Variants in SMYD3 observed in about 807,000 individuals in gnomAD.
SMYD3 encodes histone-lysine N-methyltransferase SMYD3.
In SMYD3, 36 loss-of-function variants were observed where a neutral mutation model predicts 57.7. That is an observed-to-expected ratio of 0.62 (90% CI 0.48 to 0.82). The LOEUF (loss-of-function observed/expected upper bound fraction) is 0.82. SMYD3 is among the 40% of genes least tolerant of loss of function. SMYD3 has a pLI of 0.00. For synonymous variants in SMYD3, 211 were observed against 195.0 expected, an observed-to-expected ratio of 1.08 and a Z score of -0.68; for missense variants, 515 against 538.8, an observed-to-expected ratio of 0.96 and a Z score of 0.44.
At chr1:246,337,896 T>C (rs1233838319) in intron 2 of SMYD3, among the ~76,000 whole-genome samples, 1 of 152,226 alleles carries the variant, frequency 6.6e-6, no homozygotes, top group Admixed American at 6.5e-5. Flanking sequence ...TGACAGCATT[T>C]GGAATTAAAC....
At chr1:246,113,070 T>C (rs1159858271) in intron 5 of SMYD3, among the ~76,000 whole-genome samples, 3 of 151,974 alleles carry the variant, frequency 2.0e-5, no homozygotes, top group African/African-American at 7.2e-5. Context: ...TAATCTCAGA[T>C]ACTCAGGAGG....
chr1:245,902,319 T>G (rs2054244081), intron 8 of SMYD3, among the ~76,000 whole-genome samples: 2 of 152,318 alleles, frequency 1.3e-5, no homozygotes, highest in African/African-American at 4.8e-5. Flanking sequence ...CTGGGGCCAC[T>G]GCCACCTACA....
chr1:245,903,836 G>C (rs1003205460), intron 8 of SMYD3, among the ~76,000 whole-genome samples: 2 of 152,188 alleles, frequency 1.3e-5, no homozygotes, highest in African/African-American at 4.8e-5. Context: ...GCACACTGCA[G>C]GGGGGCCCTG....
At chr1:246,387,010 ACT>A (rs906430167) in intron 1 of SMYD3, among the ~76,000 whole-genome samples, 4 of 152,236 alleles carry the variant, frequency 2.6e-5, no homozygotes, top group African/African-American at 9.6e-5. Context: ...ATGTTATATG[ACT>A]CTCATGAAAA....
In SMYD3 at chr1:245,822,056, CA is replaced by C. The variant is rs570012479; in HGVS notation, c.1076+36439del. Among the ~76,000 whole-genome samples the C allele has an allele frequency of 7.0e-3, 1,063 of 152,226 alleles. 27 individuals carry two copies. The highest frequency in any genetic ancestry group is 0.024 in the African/African-American group (1,012 of 41,534). ...GTCATGCCATTACTGGGTATATACC[CA>C]AAGGATTATAAATCATGCTGCTATA... On this transcript the variant is annotated intron_variant, in intron 10 of 11. Transcript: ENST00000490107.
chr1:246,432,829 G>T (rs749028870), intron 1 of SMYD3, among the ~76,000 whole-genome samples: 2 of 152,098 alleles, frequency 1.3e-5, no homozygotes, highest in African/African-American at 2.4e-5. Context: ...GAATTATCAT[G>T]ATCACTCCCT....
In SMYD3 at chr1:246,149,502, C is replaced by T. The variant is rs934385409; in HGVS notation, c.531+177699G>A. Among the ~76,000 whole-genome samples the T allele has an allele frequency of 2.6e-5, 4 of 151,860 alleles. No individual in the cohort carries two copies. In the South Asian group the frequency reaches 6.2e-4, roughly 24 times the overall value. On this transcript the variant is annotated intron_variant, in intron 5 of 11. Transcript: ENST00000490107. The stretch of plus-strand genomic sequence containing the variant: ...CAGAAGTGATAATTTTTTTTCCTTT[C>T]AAAAGGAAAATTTTAACTACCTTCA...
chr1:246,098,583 A>T (rs1221693715), intron 5 of SMYD3, among the ~76,000 whole-genome samples: 4 of 152,254 alleles, frequency 2.6e-5, no homozygotes, highest in African/African-American at 4.8e-5. Context: ...AAATGTATGA[A>T]GATGACAAAA....
chr1:245,816,704 G>C (rs958309354), intron 10 of SMYD3, among the ~76,000 whole-genome samples: 1 of 152,104 alleles, frequency 6.6e-6, no homozygotes, highest in African/African-American at 2.4e-5. Context: ...CCGTGCGCGA[G>C]CCGAAGCAGG....
At chr1:245,757,509 T>G (rs1218427498) in intron 11 of SMYD3, among the ~76,000 whole-genome samples, 1 of 152,138 alleles carries the variant, frequency 6.6e-6, no homozygotes. Context: ...ATGCCCAATG[T>G]CATGAGGCTT....
At chr1:246,051,313 G>A (rs2060063739) in intron 5 of SMYD3, among the ~76,000 whole-genome samples, 2 of 151,732 alleles carry the variant, frequency 1.3e-5, no homozygotes, top group Admixed American at 6.6e-5. Flanking sequence ...CAGAGACAGG[G>A]TTTCACCACA....
chr1:246,453,788 C>A (rs370872559), intron 1 of SMYD3, among the ~76,000 whole-genome samples: 9 of 152,172 alleles, frequency 5.9e-5, no homozygotes, highest in African/African-American at 2.2e-4. Context: ...TTAGGCCAAC[C>A]CTTAACAAAT....
intron 1 of SMYD3, among the ~76,000 whole-genome samples, chr1:246,462,464 C>CCACTG (rs1445399760): frequency 6.6e-6 from 1 of 152,136 alleles, no homozygotes; most frequent in Non-Finnish European, 1.5e-5. Context: ...CCCGACTGTG[C>CCACTG]CACTGTGTCC....
rs544832604 is a variant in SMYD3 at position 245,884,840 on chromosome 1, T to C, written c.814-20954A>G. On this transcript the variant is annotated intron_variant, in intron 8 of 11. Transcript: ENST00000490107. Reference sequence around the variant, plus strand: ...ATGGCCCAATCAGCTCTCTGTAAAATGGCCCAATCAGCAGGATGTGGGCAG... The same window carrying C: ...ATGGCCCAATCAGCTCTCTGTAAAACGGCCCAATCAGCAGGATGTGGGCAG... Among the ~76,000 whole-genome samples, 92 of 151,582 alleles carry C rather than the reference T, an allele frequency of 6.1e-4. 1 individual carries two copies. The Middle Eastern group carries it at 0.031, about 50-fold the overall frequency.
intron 5 of SMYD3, among the ~76,000 whole-genome samples, chr1:246,231,083 T>G (rs927380163): frequency 6.6e-6 from 1 of 152,196 alleles, no homozygotes; most frequent in Non-Finnish European, 1.5e-5. Context: ...TTAGTGTACT[T>G]TTGGCCAGTG....
intron 5 of SMYD3, among the ~76,000 whole-genome samples, chr1:245,935,590 G>A (rs1376126626): frequency 2.0e-5 from 3 of 152,134 alleles, no homozygotes; most frequent in South Asian, 4.1e-4. Context: ...CCACTCTCAC[G>A]TGCACTGCAG....
chr1:246,423,673 A>T (rs1039980340), intron 1 of SMYD3, among the ~76,000 whole-genome samples: 1 of 152,000 alleles, frequency 6.6e-6, no homozygotes, highest in African/African-American at 2.4e-5. Context: ...CAAAAAAATA[A>T]AAAAAAAGAT....
chr1:246,357,633 A>C (rs1288528411), intron 1 of SMYD3, among the ~76,000 whole-genome samples: 1 of 152,164 alleles, frequency 6.6e-6, no homozygotes, highest in Non-Finnish European at 1.5e-5. Context: ...ACAAAACCCT[A>C]TAAGCTAGAA....
intron 5 of SMYD3, among the ~76,000 whole-genome samples, chr1:246,229,523 T>G (rs2063380679): frequency 6.6e-6 from 1 of 152,234 alleles, no homozygotes; most frequent in African/African-American, 2.4e-5. Context: ...GATGCAAAGT[T>G]AAATTATGCA....
Sources: gnomAD v4.1 joint callset for allele counts (sites outside exome capture counted in the v4.1 genomes callset) on GRCh38, gnomAD v4.1.1 for gene constraint, MANE v1.5 for transcripts, NCBI Gene and HGNC (gene_info 2026-07-23, HGNC 2026-07-21) for gene names.